The following HS3ST2 variants were observed in gnomAD, a reference collection of about 807,000 sequenced individuals.
HS3ST2 encodes the protein heparan sulfate glucosamine 3-O-sulfotransferase 2.
A neutral mutation model predicts 26.3 loss-of-function variants in HS3ST2; 17 were observed. The observed-to-expected ratio is 0.65, with a 90% CI of 0.44 to 0.97. The LOEUF (loss-of-function observed/expected upper bound fraction) is 0.97, where lower values mean the gene tolerates loss of function less well. Among genes scored for constraint, HS3ST2 ranks in the 50% least tolerant of loss-of-function variants. The pLI is 0.00. For synonymous variants in HS3ST2, 237 were observed against 219.2 expected, an observed-to-expected ratio of 1.08 and a Z score of -0.72; for missense variants, 402 against 501.2, an observed-to-expected ratio of 0.80 and a Z score of 1.89.
intron 1 of HS3ST2, among the ~76,000 whole-genome samples, chr16:22,913,417 G>A (rs965323210): frequency 6.6e-6 from 1 of 151,976 alleles, no homozygotes; most frequent in African/African-American, 2.4e-5. Flanking sequence ...GGAAAGAGAG[G>A]TTACATAGCC....
At chr16:22,840,887 ATG>A in intron 1 of HS3ST2, among the ~76,000 whole-genome samples, 1 of 152,218 alleles carries the variant, frequency 6.6e-6, no homozygotes. Flanking sequence ...ATATGTATAC[ATG>A]TGCCATGTTG....
rs1901278501 is a variant in HS3ST2, at chr16:22,837,506, T to C, written c.485+22411T>C. The stretch of plus-strand genomic sequence containing the variant: ...CTATGTGTGTGTGTGTGTGTATATA[T>C]ATGTGTATATATATACACATATATA... On this transcript the variant is annotated intron_variant, in intron 1 of 1. Coordinates refer to ENST00000261374, the MANE Select transcript of HS3ST2 (RefSeq NM_006043.2). Among the ~76,000 whole-genome samples, 3 of 147,158 alleles carry C rather than the reference T, an allele frequency of 2.0e-5. 1 individual carries two copies.
intron 1 of HS3ST2, among the ~76,000 whole-genome samples, chr16:22,851,163 A>T (rs1901513541): frequency 6.6e-6 from 1 of 152,180 alleles, no homozygotes; most frequent in Admixed American, 6.5e-5. Flanking sequence ...TTTTTGCCTT[A>T]AGCAAGTCAT....
intron 1 of HS3ST2, among the ~76,000 whole-genome samples, chr16:22,836,027 T>C (rs544196745): frequency 9.6e-5 from 14 of 146,518 alleles, no homozygotes; most frequent in African/African-American, 3.3e-4. Context: ...GAAAAAAAAA[T>C]AGACAAACAT....
intron 1 of HS3ST2, among the ~76,000 whole-genome samples, chr16:22,837,732 G>A (rs1440438503): frequency 2.6e-5 from 4 of 151,368 alleles, no homozygotes; most frequent in African/African-American, 9.7e-5. Context: ...CAGTATTGTT[G>A]TTAAGAGATT....
intron 1 of HS3ST2, among the ~76,000 whole-genome samples, chr16:22,896,573 G>A (rs1902213624): frequency 6.6e-6 from 1 of 152,178 alleles, no homozygotes; most frequent in Non-Finnish European, 1.5e-5. Flanking sequence ...TCAATGTTGT[G>A]AATTTTATTT....
chr16:22,835,748 C>T (rs1009382327), intron 1 of HS3ST2, among the ~76,000 whole-genome samples: 17 of 152,056 alleles, frequency 1.1e-4, no homozygotes, highest in Non-Finnish European at 1.6e-4. Flanking sequence ...AATTTCAAAA[C>T]GGCAGTTGTA....
intron 1 of HS3ST2, among the ~76,000 whole-genome samples, chr16:22,822,737 C>T (rs1164259548): frequency 2.6e-5 from 4 of 151,938 alleles, no homozygotes; most frequent in African/African-American, 9.7e-5. Context: ...CGCCTGTAGT[C>T]CCAGCTACTT....
chr16:22,853,086 A>T (rs544357980), intron 1 of HS3ST2, among the ~76,000 whole-genome samples: 97 of 152,302 alleles, frequency 6.4e-4, no homozygotes, highest in South Asian at 2.3e-3. Flanking sequence ...ACAAATTGGA[A>T]TGGTACAGCT....
chr16:22,851,972 G>A (rs1203564181), intron 1 of HS3ST2, among the ~76,000 whole-genome samples: 1 of 152,212 alleles, frequency 6.6e-6, no homozygotes, highest in Admixed American at 6.5e-5. Context: ...GACACGTGGA[G>A]CAGGCTTGGA....
chr16:22,844,506 G>A (rs1901403261), intron 1 of HS3ST2, among the ~76,000 whole-genome samples: 1 of 152,112 alleles, frequency 6.6e-6, no homozygotes. Flanking sequence ...GTCTTTCTGG[G>A]AGGGATGTGG....
At chr16:22,894,884 C>T (rs1218691794) in intron 1 of HS3ST2, among the ~76,000 whole-genome samples, 1 of 152,086 alleles carries the variant, frequency 6.6e-6, no homozygotes, top group Non-Finnish European at 1.5e-5. Flanking sequence ...AAAAATATGC[C>T]TATATTTGTT....
intron 1 of HS3ST2, among the ~76,000 whole-genome samples, chr16:22,836,971 T>A (rs1901265538): frequency 6.6e-6 from 1 of 152,174 alleles, no homozygotes; most frequent in South Asian, 2.1e-4. Flanking sequence ...ACAAAATCTT[T>A]TTAAAAGCAC....
chr16:22,847,657 C>T (rs576782013), intron 1 of HS3ST2, among the ~76,000 whole-genome samples: 1 of 151,318 alleles, frequency 6.6e-6, no homozygotes, highest in Non-Finnish European at 1.5e-5. Context: ...TGAGTTAATA[C>T]ATATATTTTT....
At chr16:22,850,135 T>C (rs1596613782) in intron 1 of HS3ST2, among the ~76,000 whole-genome samples, 1 of 152,306 alleles carries the variant, frequency 6.6e-6, no homozygotes, top group Non-Finnish European at 1.5e-5. Context: ...CATCCTGCAT[T>C]TGTATTTGCT....
At chr16:22,880,843 G>T (rs1370139326) in intron 1 of HS3ST2, among the ~76,000 whole-genome samples, 1 of 149,706 alleles carries the variant, frequency 6.7e-6, no homozygotes, top group African/African-American at 2.6e-5. Flanking sequence ...TAACCCAGGT[G>T]CCAATAGACA....
intron 1 of HS3ST2, among the ~76,000 whole-genome samples, chr16:22,901,707 G>T (rs998842979): frequency 2.6e-5 from 4 of 152,078 alleles, no homozygotes; most frequent in Non-Finnish European, 5.9e-5. Context: ...CAACACCCAC[G>T]ATCACCGTTC....
At chr16:22,854,044 C>T (rs1901555357) in intron 1 of HS3ST2, among the ~76,000 whole-genome samples, 1 of 152,168 alleles carries the variant, frequency 6.6e-6, no homozygotes, top group African/African-American at 2.4e-5. Flanking sequence ...TGATGATTGG[C>T]TGGAACATGA....
chr16:22,876,516 G>A (rs570235986), intron 1 of HS3ST2, among the ~76,000 whole-genome samples: 1 of 152,242 alleles, frequency 6.6e-6, no homozygotes, highest in African/African-American at 2.4e-5. Context: ...CATGGATATG[G>A]TGAAAAGGGA....
Sources: gnomAD v4.1 joint callset for allele counts (sites outside exome capture counted in the v4.1 genomes callset) on GRCh38, gnomAD v4.1.1 for gene constraint, MANE v1.5 for transcripts, NCBI Gene and HGNC (gene_info 2026-07-23, HGNC 2026-07-21) for gene names.